AIG1: variants seen among roughly 807,000 people sequenced by gnomAD.
AIG1 encodes the protein androgen-induced gene 1 protein.
Under a neutral mutation model 31.4 loss-of-function variants are expected in AIG1, and 23 were observed. That is an observed-to-expected ratio of 0.73 (90% CI 0.53 to 1.04). The LOEUF (loss-of-function observed/expected upper bound fraction) is 1.04. Ranked by LOEUF, AIG1 falls within the 50% of genes least tolerant of loss-of-function variation. The probability of loss-of-function intolerance (pLI) is 0.00; values close to 1 mark genes in which losing one functional copy is unlikely to be tolerated. For synonymous variants in AIG1, 100 were observed against 110.5 expected (o/e 0.90, Z 0.60); for missense variants, 274 against 295.0 (o/e 0.93, Z 0.52).
chr6:143,210,497 A>T (rs937426739), intron 3 of AIG1, among the ~76,000 whole-genome samples: 1 of 152,238 alleles, frequency 6.6e-6, no homozygotes, highest in African/African-American at 2.4e-5. Flanking sequence ...AACCTGAAGG[A>T]GTAGTAGATG....
chr6:143,164,381 A>G lies in AIG1; in HGVS notation c.298-701A>G, dbSNP rs532311247. The stretch of plus-strand genomic sequence containing the variant: ...ATTTGGAAGAAGGGTAAAATAATAC[A>G]TTGAGTACTCTACTCTCTTTTGATG... On this transcript the variant is annotated intron_variant, in intron 2 of 5. Transcript: ENST00000357847. 2.0e-5 allele frequency among the ~76,000 whole-genome samples: 3 copies of G among 152,300 alleles called. No homozygotes were observed. In the East Asian group the frequency reaches 5.8e-4, roughly 29 times the overall value.
chr6:143,094,775 C>T (rs1008587344), intron 1 of AIG1, among the ~76,000 whole-genome samples: 1 of 151,856 alleles, frequency 6.6e-6, no homozygotes, highest in Non-Finnish European at 1.5e-5. Context: ...CTTTATGCAA[C>T]CATTGAAAAT....
At chr6:143,098,139 C>A (rs1164569354) in intron 1 of AIG1, among the ~76,000 whole-genome samples, 1 of 152,132 alleles carries the variant, frequency 6.6e-6, no homozygotes, top group Non-Finnish European at 1.5e-5. Context: ...CTATTTTCAG[C>A]AAAACTCCTT....
intron 4 of AIG1, among the ~76,000 whole-genome samples, chr6:143,304,418 G>A (rs1799088664): frequency 6.6e-6 from 1 of 151,956 alleles, no homozygotes; most frequent in Admixed American, 6.6e-5. Flanking sequence ...CTAATTTATT[G>A]AGAGTTTTTA....
chr6:143,247,388 C>T (rs1030548337), intron 3 of AIG1, among the ~76,000 whole-genome samples: 3 of 152,220 alleles, frequency 2.0e-5, no homozygotes, highest in Non-Finnish European at 4.4e-5. Context: ...CCTCAGCCTC[C>T]CAAAGTGTAT....
intron 3 of AIG1, among the ~76,000 whole-genome samples, chr6:143,167,586 GT>G (rs1787084790): frequency 6.6e-6 from 1 of 152,110 alleles, no homozygotes; most frequent in African/African-American, 2.4e-5. Context: ...AATTTTTAAT[GT>G]TTTGAACAAA....
At position 143,212,952 on chromosome 6, in the gene AIG1, G is replaced by C. The variant is rs189577444; in HGVS notation, c.399+47769G>C. 1.7e-3 allele frequency among the ~76,000 whole-genome samples: 260 copies of C among 152,284 alleles called. 1 individual carries two copies. The highest frequency in any genetic ancestry group is 5.8e-3 in the African/African-American group (240 of 41,560). ...TCTGCAAAGCCTGTGCTTATTGTGA[G>C]AGATATGACAGAGGGAGAAAAAAAT... On this transcript the variant is annotated intron_variant, in intron 3 of 5. Transcript: ENST00000357847.
chr6:143,148,975 A>G (rs1784939587), intron 2 of AIG1, among the ~76,000 whole-genome samples: 1 of 152,202 alleles, frequency 6.6e-6, no homozygotes, highest in East Asian at 1.9e-4. Flanking sequence ...TACACCATCT[A>G]TAGAGCCTAG....
rs2128719850 is a variant in AIG1 at position 143,327,309 on chromosome 6, G to T, written c.516-5973G>T. 4.6e-6 allele frequency: 1 copy of T among 218,158 alleles called. No individual in the cohort carries two copies. The highest frequency in any genetic ancestry group is 7.6e-5 in the South Asian group (1 of 13,158). The allele number at this position is 218,158 out of a possible 1,614,324, so 13.5% of individuals were successfully genotyped here. A position where few individuals can be genotyped will look rare whatever the true frequency, so the allele number is the denominator to read the frequency against. ...ACAAAGAAGGATGGCAAGACAAAAA[G>T]GGCCACTCTGCCATCAACAAGGTGG... On this transcript the variant is annotated intron_variant, in intron 4 of 5. Coordinates refer to ENST00000357847, the MANE Select transcript of AIG1 (RefSeq NM_016108.4). The surrounding 1 kb of genome is among the most constrained non-coding windows in gnomAD (Gnocchi z 5.3).
intron 3 of AIG1, among the ~76,000 whole-genome samples, chr6:143,196,350 A>AACACACGCACACAC (rs1031872426): frequency 4.2e-4 from 59 of 141,720 alleles, no homozygotes; most frequent in African/African-American, 1.4e-3. Context: ...CAACAAAAGC[A>AACACACGCACACAC]ACACACACAC....
intron 1 of AIG1, among the ~76,000 whole-genome samples, chr6:143,105,694 T>C (rs942229006): frequency 6.6e-6 from 1 of 152,272 alleles, no homozygotes; most frequent in African/African-American, 2.4e-5. Context: ...TTTTGAGTAG[T>C]CTGGGTTCTG....
At position 143,186,518 on chromosome 6, in the gene AIG1, A is replaced by G. The variant is rs147498292; in HGVS notation, c.399+21335A>G. ...CTGGTAATATAGCTAATTACCCTGTATATTCAGGTGCTGCTGCTGATATTG... is the reference window on the plus strand; with the variant it reads ...CTGGTAATATAGCTAATTACCCTGTGTATTCAGGTGCTGCTGCTGATATTG... On this transcript the variant is annotated intron_variant, in intron 3 of 5. Transcript: ENST00000357847. 5.5e-3 allele frequency among the ~76,000 whole-genome samples: 840 copies of G among 152,324 alleles called. 6 individuals carry two copies. The highest frequency in any genetic ancestry group is 0.011 in the Admixed American group (164 of 15,304).
At chr6:143,247,745 C>T (rs1449274507) in intron 3 of AIG1, among the ~76,000 whole-genome samples, 3 of 152,172 alleles carry the variant, frequency 2.0e-5, no homozygotes, top group African/African-American at 7.2e-5. Flanking sequence ...CGTGAGAGAG[C>T]CAGGATTCTA....
Position 143,097,071 on chromosome 6 carries a change from A to C in AIG1, c.141+36005A>C, listed in dbSNP as rs1021365662. ...TATATGACCTAATTTGATATTTAAA[A>C]AATTGCCATTAGTGACCTTAGGCAC... On this transcript the variant is annotated intron_variant, in intron 1 of 5. Transcript: ENST00000357847. Among the ~76,000 whole-genome samples the C allele has an allele frequency of 3.3e-5, 5 of 152,208 alleles. No homozygotes were observed. In the East Asian group the frequency reaches 9.6e-4, roughly 29 times the overall value.
chr6:143,073,324 A>G (rs1471526674), intron 1 of AIG1, among the ~76,000 whole-genome samples: 2 of 152,198 alleles, frequency 1.3e-5, no homozygotes, highest in Non-Finnish European at 2.9e-5. Context: ...TGATGCTGCA[A>G]TGAACATGGG....
chr6:143,187,810 G>A (rs1411399071), intron 3 of AIG1: 1 of 1,494,110 alleles, frequency 6.7e-7, no homozygotes, highest in Admixed American at 2.2e-5. Flanking sequence ...TTGCCAAGTT[G>A]ATGAAATACG....
intron 3 of AIG1, among the ~76,000 whole-genome samples, chr6:143,277,071 G>T (rs536201643): frequency 6.6e-6 from 1 of 152,278 alleles, no homozygotes; most frequent in Admixed American, 6.5e-5. Flanking sequence ...AGAGATTGGT[G>T]ATTTTTCTCA....
At chr6:143,314,112 G>A (rs1270997354) in intron 4 of AIG1, among the ~76,000 whole-genome samples, 2 of 147,746 alleles carry the variant, frequency 1.4e-5, no homozygotes, top group Non-Finnish European at 3.0e-5. Context: ...ACTTTAGAAG[G>A]CCAGAACTGC....
intron 1 of AIG1, among the ~76,000 whole-genome samples, chr6:143,085,572 A>T (rs186865671): frequency 2.8e-3 from 430 of 152,240 alleles, no homozygotes; most frequent in African/African-American, 0.01. Context: ...CTCCATCAAG[A>T]TGCATTCCCA....
Sources: gnomAD v4.1 joint callset for allele counts (sites outside exome capture counted in the v4.1 genomes callset) on GRCh38, gnomAD v4.1.1 for gene constraint, Gnocchi (gnomAD v3.1) non-coding constraint, MANE v1.5 for transcripts, NCBI Gene and HGNC (gene_info 2026-07-23, HGNC 2026-07-21) for gene names.